Variants in CASC3 observed in about 807,000 individuals in gnomAD.
CASC3 encodes protein CASC3.
A neutral mutation model predicts 80.5 loss-of-function variants in CASC3; 30 were observed. The observed-to-expected ratio is 0.37, with a 90% CI of 0.28 to 0.51. The LOEUF (loss-of-function observed/expected upper bound fraction) is 0.51, where lower values mean the gene tolerates loss of function less well. CASC3 is among the 20% of genes least tolerant of loss of function. CASC3 has a pLI of 0.94. For missense variants in CASC3, 824 were observed against 922.2 expected, an observed-to-expected ratio of 0.89 and a Z score of 1.38; for synonymous variants, 312 against 333.6, an observed-to-expected ratio of 0.94 and a Z score of 0.70.
Position 40,162,856 on chromosome 17 carries a change from C to T in CASC3, c.740C>T (p.Ala247Val), listed in dbSNP as rs1187548373. 3.7e-6 allele frequency: 6 copies of T among 1,614,014 alleles called. No individual in the cohort carries two copies. The South Asian group carries it at 5.5e-5, about 15-fold the overall frequency. Residue 247 changes from alanine to valine, a missense_variant, in exon 6 of 14, where the codon GCT becomes GTT. Around this residue, in one of 3 missense-constraint regions of CASC3, gnomAD observed 201 missense variants for 294.1 expected, o/e 0.68. Transcript: ENST00000264645. ...IALYGYDIRS[A>V]HNPDDIKPRR... ...CTTTATGGTTATGACATTCGCTCAG[C>T]TCATAATCCTGATGACATCAAACCT...
intron 3 of CASC3, among the ~76,000 whole-genome samples, chr17:40,153,350 T>C (rs1989059146): frequency 6.6e-6 from 1 of 152,192 alleles, no homozygotes; most frequent in South Asian, 2.1e-4. Context: ...TAGATTCCAT[T>C]GTTCGTGTGT....
Position 40,170,605 on chromosome 17 carries a change from G to T in CASC3, c.*200G>T. ...GCTCTAGAGAGAGGGAGAAACAAGT[G>T]GACCTCGTCCCATCTTCACTCTTCA... On this transcript the variant is annotated 3_prime_UTR_variant, in exon 14 of 14. Transcript: ENST00000264645. The T allele has an allele frequency of 1.0e-6, 1 of 985,564 alleles. No homozygotes were observed. The highest frequency in any genetic ancestry group is 1.2e-6 in the Non-Finnish European group (1 of 829,952). The allele number at this position is 985,564 out of a possible 1,614,324, so 61.1% of individuals were successfully genotyped here.
intron 3 of CASC3, among the ~76,000 whole-genome samples, chr17:40,151,691 T>C (rs1989013055): frequency 8.5e-6 from 1 of 117,514 alleles, no homozygotes. Flanking sequence ...GAGACCTTCA[T>C]CTCAAAAAAA....
At chr17:40,142,218 C>T (rs375486592) in intron 3 of CASC3, among the ~76,000 whole-genome samples, 3 of 152,162 alleles carry the variant, frequency 2.0e-5, no homozygotes, top group South Asian at 4.1e-4. Context: ...AGAACTGTTA[C>T]TACATTTTAG....
Position 40,168,375 on chromosome 17 carries a change from A to G in CASC3, c.1923A>G (p.Ala641=), listed in dbSNP as rs1038178402. The part of the protein sequence containing the change: ...GNPSYPYAPG[A]LPPPPPPHLY... The stretch of plus-strand genomic sequence containing the variant: ...CCAGTTACCCTTATGCTCCAGGGGC[A>G]CTGCCTCCCCCACCACCGCCTCATC... Residue 641 remains alanine, a synonymous_variant, in exon 11 of 14, where the codon GCA becomes GCG. Transcript: ENST00000264645. The G allele has an allele frequency of 1.2e-6, 2 of 1,614,112 alleles. No homozygotes were observed. The highest frequency in any genetic ancestry group is 1.7e-6 in the Non-Finnish European group (2 of 1,180,024).
intron 3 of CASC3, among the ~76,000 whole-genome samples, chr17:40,149,000 T>C (rs1022931736): frequency 6.6e-6 from 1 of 152,102 alleles, no homozygotes; most frequent in African/African-American, 2.4e-5. Flanking sequence ...CTCAGCCTCC[T>C]GCGTAGCTGG....
intron 3 of CASC3, among the ~76,000 whole-genome samples, chr17:40,155,331 A>G (rs1341906592): frequency 6.6e-6 from 1 of 151,120 alleles, no homozygotes; most frequent in Non-Finnish European, 1.5e-5. Flanking sequence ...ATCTTGGCTC[A>G]CTGCAACCTC....
At chr17:40,144,240 CAA>C (rs1213557187) in intron 3 of CASC3, among the ~76,000 whole-genome samples, 3 of 151,908 alleles carry the variant, frequency 2.0e-5, no homozygotes, top group Non-Finnish European at 4.4e-5. Context: ...TCCTGGGCAA[CAA>C]GAGGGAAACT....
At chr17:40,143,590 G>A (rs555659933) in intron 3 of CASC3, among the ~76,000 whole-genome samples, 2 of 152,222 alleles carry the variant, frequency 1.3e-5, no homozygotes, top group South Asian at 2.1e-4. Context: ...CCAGCACTTC[G>A]GGAGGCTGAG....
intron 6 of CASC3, 90 bp downstream of exon 6, chr17:40,162,991 C>T (rs1989342979): frequency 8.8e-7 from 1 of 1,134,208 alleles, no homozygotes; most frequent in Non-Finnish European, 1.3e-6. Flanking sequence ...GAGGCTGAGG[C>T]AGGAGGATTG....
intron 3 of CASC3, among the ~76,000 whole-genome samples, chr17:40,153,027 G>A (rs531905801): frequency 1.3e-5 from 2 of 150,162 alleles, no homozygotes; most frequent in African/African-American, 2.4e-5. Flanking sequence ...TGCCCACCTC[G>A]GCCTCCCAAA....
chr17:40,149,842 A>G (rs1988954259), intron 3 of CASC3, among the ~76,000 whole-genome samples: 1 of 152,048 alleles, frequency 6.6e-6, no homozygotes, highest in African/African-American at 2.4e-5. Context: ...CGTCTCTACT[A>G]AAAATACAAA....
At chr17:40,159,456 A>G (rs1016262110) in intron 3 of CASC3, among the ~76,000 whole-genome samples, 12 of 151,536 alleles carry the variant, frequency 7.9e-5, no homozygotes, top group African/African-American at 2.9e-4. Flanking sequence ...GTTCACTGCA[A>G]CCTCTGCCTC....
intron 7 of CASC3, among the ~76,000 whole-genome samples, chr17:40,164,498 G>A (rs1253110003): frequency 6.6e-6 from 1 of 151,694 alleles, no homozygotes; most frequent in Non-Finnish European, 1.5e-5. Context: ...GCCTAAGCTA[G>A]ATGCAGTGGC....
chr17:40,149,096 G>C (rs774336912), intron 3 of CASC3, among the ~76,000 whole-genome samples: 3 of 151,766 alleles, frequency 2.0e-5, no homozygotes, highest in Non-Finnish European at 4.4e-5. Context: ...GGCTGGTCTC[G>C]AACTCCTGGT....
rs1989376034 is a variant in CASC3 at position 40,163,944 on chromosome 17, G to A, written c.1249G>A (p.Ala417Thr). Residue 417 changes from alanine to threonine, a missense_variant, in exon 7 of 14, where the codon GCA (alanine) becomes ACA (threonine). Physicochemically the swap from Ala to Thr is moderately conservative, Grantham distance 58. This residue lies in a region of CASC3 where 464 missense variants were observed against 506.0 expected (regional missense o/e 0.92). Coordinates refer to ENST00000264645, the MANE Select transcript of CASC3 (RefSeq NM_007359.5). Reference protein sequence around the residue: ...ARRTRTKVGDAVKLAEEVPPP... With the variant: ...ARRTRTKVGDTVKLAEEVPPP... The stretch of plus-strand genomic sequence containing the variant: ...AAGAACTCGAACCAAAGTTGGAGAT[G>A]CAGTCAAGCTTGCAGAGGAGGTGCC... 5 of 1,614,122 alleles carry A rather than the reference G, an allele frequency of 3.1e-6. No individual in the cohort carries two copies. The East Asian group carries it at 1.1e-4, about 36-fold the overall frequency.
intron 5 of CASC3, among the ~76,000 whole-genome samples, 181 bp downstream of exon 5, chr17:40,162,334 A>AT (rs1989323070): frequency 6.6e-6 from 1 of 152,172 alleles, no homozygotes; most frequent in Non-Finnish European, 1.5e-5. Context: ...GGCAGCTAAG[A>AT]TACAGACCTA....
chr17:40,167,084 C>T (rs1989468402), intron 8 of CASC3: 1 of 530,848 alleles, frequency 1.9e-6, no homozygotes, highest in East Asian at 3.3e-5. Context: ...GCCTCAGCCT[C>T]CCGAGTAGCT....
chr17:40,156,723 C>A (rs1989155654), intron 3 of CASC3, among the ~76,000 whole-genome samples: 1 of 151,774 alleles, frequency 6.6e-6, no homozygotes, highest in Admixed American at 6.6e-5. Flanking sequence ...AATAGTTGAC[C>A]TTTGGACAAC....
Sources: gnomAD v4.1 joint callset for allele counts (sites outside exome capture counted in the v4.1 genomes callset) on GRCh38, gnomAD v4.1.1 for gene constraint, gnomAD v4.1.1 regional missense constraint, MANE v1.5 for transcripts, NCBI Gene and HGNC (gene_info 2026-07-23, HGNC 2026-07-21) for gene names.